The following RUFY3 variants were observed in gnomAD, a reference collection of about 807,000 sequenced individuals.
The protein encoded by RUFY3 is RUN and FYVE domain containing 3, also known as protein RUFY3.
Under a neutral mutation model 84.0 loss-of-function variants are expected in RUFY3, and 34 were observed. That is an observed-to-expected ratio of 0.40 (90% CI 0.31 to 0.54). The LOEUF is 0.54. Ranked by LOEUF, RUFY3 falls within the 20% of genes least tolerant of loss-of-function variation. The pLI is 0.39. For missense variants in RUFY3, 507 were observed against 736.8 expected, an observed-to-expected ratio of 0.69 and a Z score of 3.61; for synonymous variants, 242 against 252.9, an observed-to-expected ratio of 0.96 and a Z score of 0.41.
intron 1 of RUFY3, among the ~76,000 whole-genome samples, chr4:70,738,788 T>C (rs1720832593): frequency 6.6e-6 from 1 of 151,830 alleles, no homozygotes; most frequent in Non-Finnish European, 1.5e-5. Context: ...TATTACTTTA[T>C]TTATTTTTGG....
chr4:70,708,347 T>C (rs1577876876), intron 1 of RUFY3, among the ~76,000 whole-genome samples: 1 of 152,056 alleles, frequency 6.6e-6, no homozygotes, highest in Admixed American at 6.6e-5. Context: ...TTTTTTTTTT[T>C]GTATTTTAGT....
chr4:70,785,290 A>G (rs1729598047), intron 10 of RUFY3, among the ~76,000 whole-genome samples: 1 of 152,002 alleles, frequency 6.6e-6, no homozygotes, highest in Non-Finnish European at 1.5e-5. Flanking sequence ...CTGATTTATT[A>G]TTGGTCTTAG....
chr4:70,772,298 C>T (rs1727102623), intron 5 of RUFY3, among the ~76,000 whole-genome samples: 2 of 152,056 alleles, frequency 1.3e-5, no homozygotes, highest in Non-Finnish European at 2.9e-5. Flanking sequence ...TACAGTCAGC[C>T]CTCTGCGTCC....
chr4:70,800,250 G>T (rs1162556997), intron 15 of RUFY3, 45 bp downstream of exon 15: 2 of 1,518,762 alleles, frequency 1.3e-6, no homozygotes, highest in Non-Finnish European at 1.8e-6. Context: ...GTTATTCTGG[G>T]GTGGTGGGAA....
intron 14 of RUFY3, among the ~76,000 whole-genome samples, chr4:70,798,511 C>T (rs76185497): frequency 0.012 from 1,880 of 152,168 alleles, 33 homozygotes; most frequent in South Asian, 0.056. Context: ...CAGCACCTTG[C>T]CAGGCACAGT....
chr4:70,745,931 A>G (rs1722131970), intron 1 of RUFY3, among the ~76,000 whole-genome samples: 1 of 152,066 alleles, frequency 6.6e-6, no homozygotes, highest in Non-Finnish European at 1.5e-5. Context: ...CTAAAAATAC[A>G]AAAAATTGCT....
chr4:70,780,293 G>GT (rs149965301), intron 8 of RUFY3, among the ~76,000 whole-genome samples: 6,284 of 150,254 alleles, frequency 0.042, 294 homozygotes, highest in East Asian at 0.2. Flanking sequence ...GTTTTGTTTT[G>GT]TTTTTTGTTT....
At chr4:70,708,758 G>A (rs1198809811) in intron 1 of RUFY3, among the ~76,000 whole-genome samples, 3 of 152,168 alleles carry the variant, frequency 2.0e-5, no homozygotes, top group Non-Finnish European at 4.4e-5. Flanking sequence ...TAGCAAAAAT[G>A]TGTGAGACTG....
chr4:70,775,499 T>C (rs539717112), intron 7 of RUFY3, among the ~76,000 whole-genome samples: 11 of 151,826 alleles, frequency 7.2e-5, no homozygotes, highest in Non-Finnish European at 1.6e-4. Flanking sequence ...ACTCTAGTGA[T>C]TAAATAGATA....
rs1225199581 is a variant in RUFY3, at chr4:70,772,054, G to A, written c.697-1457G>A. ...TTGCTGTCTCAGGAGTGGCAGAGATGGAGGAAAACCTTTTTTTTTTCTGCC... is the reference window on the plus strand; with the variant it reads ...TTGCTGTCTCAGGAGTGGCAGAGATAGAGGAAAACCTTTTTTTTTTCTGCC... On this transcript the variant is annotated intron_variant, in intron 5 of 17. Coordinates refer to ENST00000381006, the MANE Select transcript of RUFY3 (RefSeq NM_001037442.4). Among the ~76,000 whole-genome samples, 3 of 151,808 alleles carry A rather than the reference G, an allele frequency of 2.0e-5. No individual in the cohort carries two copies. The East Asian group carries it at 5.8e-4, about 29-fold the overall frequency.
intron 1 of RUFY3, among the ~76,000 whole-genome samples, chr4:70,713,300 G>C (rs914772670): frequency 6.6e-6 from 1 of 152,224 alleles, no homozygotes; most frequent in African/African-American, 2.4e-5. Flanking sequence ...TGGGATTACA[G>C]GCGTGAGCCA....
intron 1 of RUFY3, among the ~76,000 whole-genome samples, chr4:70,715,610 A>T (rs1741483053): frequency 6.6e-6 from 1 of 151,284 alleles, no homozygotes; most frequent in Non-Finnish European, 1.5e-5. Context: ...AAAAAAAAAA[A>T]AAAGCTACCC....
rs1255948497 is a variant in RUFY3, at chr4:70,807,561, C to T, written c.*902C>T. Among the ~76,000 whole-genome samples the T allele has an allele frequency of 6.6e-6, 1 of 152,078 alleles. No homozygotes were observed. Among genetic ancestry groups the T allele is most frequent in the Non-Finnish European group, 1.5e-5 (1 of 68,024 alleles). ...CTTAAGACAGGGTCTTGCTCTGTTGCACAAGCTGGAGGGCAGTAGTGCAAT... is the reference window on the plus strand; with the variant it reads ...CTTAAGACAGGGTCTTGCTCTGTTGTACAAGCTGGAGGGCAGTAGTGCAAT... On this transcript the variant is annotated 3_prime_UTR_variant, in exon 18 of 18. Coordinates refer to ENST00000381006, the MANE Select transcript of RUFY3 (RefSeq NM_001037442.4).
intron 17 of RUFY3, among the ~76,000 whole-genome samples, chr4:70,805,108 A>C (rs1732704458): frequency 6.6e-6 from 1 of 152,198 alleles, no homozygotes; most frequent in South Asian, 2.1e-4. Flanking sequence ...CATTTTATAG[A>C]TGAAGAACGT....
At chr4:70,752,050 G>T (rs1414674256) in intron 1 of RUFY3, among the ~76,000 whole-genome samples, 4 of 152,060 alleles carry the variant, frequency 2.6e-5, no homozygotes, top group Non-Finnish European at 4.4e-5. Context: ...CAAAGTGCTG[G>T]GATTACAGAC....
intron 6 of RUFY3, among the ~76,000 whole-genome samples, chr4:70,773,828 A>G (rs1282685337): frequency 6.6e-6 from 1 of 152,230 alleles, no homozygotes; most frequent in African/African-American, 2.4e-5. Context: ...AATTTTCTAA[A>G]GGATTCCAAT....
intron 1 of RUFY3, among the ~76,000 whole-genome samples, chr4:70,708,340 T>C (rs1289622236): frequency 6.6e-6 from 1 of 151,988 alleles, no homozygotes; most frequent in African/African-American, 2.4e-5. Flanking sequence ...CCAGCTATTT[T>C]TTTTTTTGTA....
chr4:70,776,725 G>A (rs1304601918), intron 7 of RUFY3, among the ~76,000 whole-genome samples: 4 of 152,224 alleles, frequency 2.6e-5, no homozygotes, highest in Admixed American at 6.5e-5. Context: ...ACAGTAAGCC[G>A]AGATCGCGCC....
chr4:70,741,737 AC>A, intron 1 of RUFY3: 1 of 1,285,164 alleles, frequency 7.8e-7, no homozygotes, highest in Non-Finnish European at 1.0e-6. Context: ...AAATTTTCTA[AC>A]CACCTTTTAA....
Sources: allele counts gnomAD v4.1 joint callset (sites outside exome capture counted in the v4.1 genomes callset), GRCh38; gene constraint gnomAD v4.1.1; transcripts MANE v1.5; gene names NCBI Gene and HGNC (gene_info 2026-07-23, HGNC 2026-07-21).